Variants in DNAH6 observed in about 807,000 individuals in gnomAD.
DNAH6 encodes the protein axonemal beta dynein heavy chain 6.
In DNAH6, 340 loss-of-function variants were observed where a neutral mutation model predicts 491.4. The ratio of observed to expected loss-of-function variants is 0.69; its 90% CI spans 0.63 to 0.76. The LOEUF is 0.76. Ranked by LOEUF, DNAH6 falls within the 30% of genes least tolerant of loss-of-function variation. DNAH6 has a pLI of 0.00. For missense variants in DNAH6, 4,443 were observed against 4,972.2 expected (o/e 0.89, Z 3.20); for synonymous variants, 1,603 against 1,686.1 (o/e 0.95, Z 1.21).
intron 56 of DNAH6, among the ~76,000 whole-genome samples, chr2:84,711,075 G>A (rs1190706072): frequency 2.0e-5 from 3 of 152,190 alleles, no homozygotes; most frequent in South Asian, 2.1e-4. Flanking sequence ...GAGAAAGAAA[G>A]AGAGAAGAAA....
intron 29 of DNAH6, among the ~76,000 whole-genome samples, chr2:84,628,239 T>A (rs558800708): frequency 1.3e-5 from 2 of 152,278 alleles, no homozygotes; most frequent in South Asian, 4.2e-4. Context: ...TGGTATCCTC[T>A]AACGGTTTCT....
chr2:84,589,028 A>G (rs1573123153), intron 16 of DNAH6, 74 bp downstream of exon 16: 1 of 1,312,362 alleles, frequency 7.6e-7, no homozygotes, highest in East Asian at 2.7e-5. Flanking sequence ...GGACTTCAAT[A>G]ATGTAACTGT....
the DNAH6 span, among the ~76,000 whole-genome samples, chr2:84,472,992 G>A: frequency 5.9e-5 from 9 of 152,184 alleles, no homozygotes; most frequent in Admixed American, 5.2e-4. Context: ...ACAGCCATAA[G>A]TTCAGCCCTT....
intron 18 of DNAH6, among the ~76,000 whole-genome samples, chr2:84,599,201 G>C (rs916307881): frequency 6.6e-6 from 1 of 151,200 alleles, no homozygotes; most frequent in Admixed American, 6.6e-5. Context: ...TGAGTTTTAA[G>C]AGTTATTCAT....
In DNAH6 at chr2:84,572,979, T is replaced by G. The variant is rs193112717; in HGVS notation, c.1804-488T>G. On this transcript the variant is annotated intron_variant, in intron 11 of 76. Coordinates refer to ENST00000389394, the MANE Select transcript of DNAH6 (RefSeq NM_001370.2). ...TTTAAGAGGGGTGAAGAAAAAGTTT[T>G]TATTATGGCAAAGTATGAAGGATAT... 3.5e-3 allele frequency among the ~76,000 whole-genome samples: 527 copies of G among 152,360 alleles called. 1 individual carries two copies. Among genetic ancestry groups the G allele is most frequent in the African/African-American group, 0.012 (479 of 41,586 alleles).
intron 37 of DNAH6, among the ~76,000 whole-genome samples, chr2:84,662,433 A>G (rs921425647): frequency 7.9e-5 from 12 of 152,208 alleles, no homozygotes; most frequent in Non-Finnish European, 1.5e-5. Context: ...CGGTCTTAGA[A>G]AACGGCACAC....
upstream of DNAH6, among the ~76,000 whole-genome samples, chr2:84,513,620 T>A (rs1479306854): frequency 6.6e-6 from 1 of 152,206 alleles, no homozygotes; most frequent in East Asian, 1.9e-4. Flanking sequence ...TTGTTTATTC[T>A]GCTAACTCTT....
rs757883749 is a variant in DNAH6, at chr2:84,637,268, T to C, written c.4712T>C (p.Phe1571Ser). 1.3e-6 allele frequency: 2 copies of C among 1,551,334 alleles called. No homozygotes were observed. The highest frequency in any genetic ancestry group is 1.2e-5 in the South Asian group (1 of 83,996). Residue 1571 changes from phenylalanine to serine, a missense_variant, in exon 31 of 77, where the codon TTC becomes TCC. By Grantham distance (155) the Phe-to-Ser change is radical. Transcript: ENST00000389394. ...AAGTTGGTGATGACTTGTGCAGCCT[T>C]CATCACAATGAATCCTGGCTATGCA... ...EIKLVMTCAA[F>S]ITMNPGYAGR...
the DNAH6 span, among the ~76,000 whole-genome samples, chr2:84,481,892 C>G: frequency 6.6e-6 from 1 of 152,158 alleles, no homozygotes; most frequent in African/African-American, 2.4e-5. Context: ...TCAGCTATCA[C>G]GTTGCACATC....
At chr2:84,637,589 AT>A (rs1386398548) in intron 31 of DNAH6, among the ~76,000 whole-genome samples, 2 of 152,208 alleles carry the variant, frequency 1.3e-5, no homozygotes, top group African/African-American at 4.8e-5. Context: ...GGTATCTGGA[AT>A]ATAATAGGCC....
chr2:84,550,274 C>T (rs1319575918), intron 9 of DNAH6, among the ~76,000 whole-genome samples: 1 of 152,144 alleles, frequency 6.6e-6, no homozygotes, highest in Non-Finnish European at 1.5e-5. Flanking sequence ...ACTGTTCCAC[C>T]TCAGATCATC....
intron 64 of DNAH6, 134 bp from the exon 65 acceptor site, chr2:84,781,358 CT>C (rs1676678995): frequency 1.3e-6 from 1 of 787,442 alleles, no homozygotes; most frequent in Non-Finnish European, 1.9e-6. Flanking sequence ...GGAAAACATA[CT>C]TGTACTCCTA....
intron 11 of DNAH6, among the ~76,000 whole-genome samples, chr2:84,565,553 A>C (rs1300293063): frequency 6.6e-6 from 1 of 151,574 alleles, no homozygotes; most frequent in Non-Finnish European, 1.5e-5. Flanking sequence ...CATCTTTGTC[A>C]ATTCTTGTTG....
intron 71 of DNAH6, 82 bp downstream of exon 71, chr2:84,805,876 A>C: frequency 7.8e-7 from 1 of 1,285,030 alleles, no homozygotes; most frequent in Non-Finnish European, 1.0e-6. Flanking sequence ...CAGGTGTCAA[A>C]ACCTGCTTAT....
At chr2:84,477,749 TG>T in the DNAH6 span, among the ~76,000 whole-genome samples, 10 of 152,080 alleles carry the variant, frequency 6.6e-5, no homozygotes, top group Admixed American at 1.3e-4. Flanking sequence ...TGAATATTTG[TG>T]AGGAGAGAGT....
intron 22 of DNAH6, among the ~76,000 whole-genome samples, chr2:84,616,618 C>T (rs1309489415): frequency 6.6e-6 from 1 of 152,076 alleles, no homozygotes. Context: ...ACAGCAGTTA[C>T]TGTCTGGACA....
intron 24 of DNAH6, 114 bp from the exon 25 acceptor site, chr2:84,621,077 T>A: frequency 9.8e-7 from 1 of 1,020,720 alleles, no homozygotes; most frequent in Non-Finnish European, 1.4e-6. Context: ...TTTCAGTATT[T>A]GTGGTCAGGC....
intron 23 of DNAH6, among the ~76,000 whole-genome samples, chr2:84,619,187 A>G (rs1687159901): frequency 6.6e-6 from 1 of 152,166 alleles, no homozygotes; most frequent in Admixed American, 6.6e-5. Context: ...TGCTGCAGGG[A>G]ATAGCAAATG....
chr2:84,796,607 T>A (rs916866538), intron 69 of DNAH6, among the ~76,000 whole-genome samples, 182 bp downstream of exon 69: 1 of 152,218 alleles, frequency 6.6e-6, no homozygotes, highest in African/African-American at 2.4e-5. Context: ...AGATACATAG[T>A]ACATGGTAAC....
Sources: allele counts gnomAD v4.1 joint callset (sites outside exome capture counted in the v4.1 genomes callset), GRCh38; gene constraint gnomAD v4.1.1; transcripts MANE v1.5; gene names NCBI Gene and HGNC (gene_info 2026-07-23, HGNC 2026-07-21).